The following RELN variants were observed in gnomAD, a reference collection of about 807,000 sequenced individuals.
RELN encodes reelin.
RELN carries 108 observed loss-of-function variants against 427.6 expected under a neutral mutation model. The ratio of observed to expected loss-of-function variants is 0.25; its 90% CI spans 0.22 to 0.30. The LOEUF is 0.30. RELN is among the 10% of genes least tolerant of loss of function. The pLI, the probability that RELN is intolerant of heterozygous loss-of-function variation, is 1.00. For synonymous variants in RELN, 1,524 were observed against 1,513.4 expected (o/e 1.01, Z -0.16); for missense variants, 3,715 against 4,302.8 (o/e 0.86, Z 3.82).
intron 4 of RELN, among the ~76,000 whole-genome samples, chr7:103,766,405 C>T (rs1356632966): frequency 6.6e-6 from 1 of 152,028 alleles, no homozygotes; most frequent in Non-Finnish European, 1.5e-5. Flanking sequence ...GAGAGAGAAA[C>T]AAGTCTGAAT....
intron 4 of RELN, among the ~76,000 whole-genome samples, chr7:103,764,849 A>AT (rs1274627429): frequency 1.3e-5 from 2 of 151,446 alleles, no homozygotes; most frequent in African/African-American, 4.9e-5. Flanking sequence ...AAAAAAAAAA[A>AT]AAAAAAGTGC....
intron 11 of RELN, among the ~76,000 whole-genome samples, chr7:103,665,449 T>C (rs1315750692): frequency 6.6e-6 from 1 of 152,034 alleles, no homozygotes. Context: ...CACCTTTCAC[T>C]TCTTCACAAT....
intron 2 of RELN, among the ~76,000 whole-genome samples, chr7:103,855,856 C>G (rs1793932646): frequency 6.6e-6 from 1 of 152,160 alleles, no homozygotes; most frequent in African/African-American, 2.4e-5. Flanking sequence ...GGAGGCCACC[C>G]TACTCCAGTA....
intron 50 of RELN, chr7:103,514,127 G>A (rs1829498522): frequency 6.6e-6 from 1 of 151,984 alleles, no homozygotes; most frequent in Admixed American, 6.5e-5. Flanking sequence ...GGCTGAGCTG[G>A]GTGTGACAGA....
intron 2 of RELN, among the ~76,000 whole-genome samples, chr7:103,859,437 G>A (rs2116487434): frequency 6.6e-6 from 1 of 152,168 alleles, no homozygotes; most frequent in East Asian, 1.9e-4. Flanking sequence ...GGGACTACAG[G>A]CACCCACCAC....
intron 1 of RELN, among the ~76,000 whole-genome samples, chr7:103,933,018 C>G (rs1002389154): frequency 3.9e-5 from 6 of 152,122 alleles, no homozygotes; most frequent in African/African-American, 1.4e-4. Flanking sequence ...GCAACAACTG[C>G]CCCTCTAGGG....
chr7:103,508,756 C>T (rs1346481883), intron 51 of RELN, among the ~76,000 whole-genome samples: 1 of 152,176 alleles, frequency 6.6e-6, no homozygotes, highest in East Asian at 1.9e-4. Context: ...TAGAAAACCC[C>T]ATCGTCTCAG....
At chr7:103,898,725 G>A (rs1369800256) in intron 2 of RELN, among the ~76,000 whole-genome samples, 2 of 151,952 alleles carry the variant, frequency 1.3e-5, no homozygotes, top group Non-Finnish European at 2.9e-5. Flanking sequence ...GTATTTCTTT[G>A]TAAATGCTCT....
chr7:103,901,273 T>C (rs2116620482), intron 2 of RELN, among the ~76,000 whole-genome samples: 1 of 152,170 alleles, frequency 6.6e-6, no homozygotes, highest in South Asian at 2.1e-4. Context: ...GGGAAGGATG[T>C]GGAGAAACTG....
chr7:103,543,456 G>A (rs1830218607), intron 42 of RELN, among the ~76,000 whole-genome samples: 1 of 152,040 alleles, frequency 6.6e-6, no homozygotes, highest in African/African-American at 2.4e-5. Flanking sequence ...GACCAGCCCG[G>A]CCAACATGAC....
intron 1 of RELN, among the ~76,000 whole-genome samples, chr7:103,977,268 G>A (rs1221339512): frequency 6.7e-5 from 9 of 135,030 alleles, no homozygotes; most frequent in Non-Finnish European, 1.2e-4. Flanking sequence ...CCGAGATCAC[G>A]CCACTGCACT....
intron 2 of RELN, among the ~76,000 whole-genome samples, chr7:103,894,338 A>T (rs963019561): frequency 6.6e-6 from 1 of 152,182 alleles, no homozygotes; most frequent in Non-Finnish European, 1.5e-5. Flanking sequence ...CATGCATCAT[A>T]AATAATTGAA....
chr7:103,476,973 G>T (rs1027489463), intron 64 of RELN, among the ~76,000 whole-genome samples: 9 of 152,134 alleles, frequency 5.9e-5, no homozygotes, highest in African/African-American at 1.9e-4. Context: ...TTCATCCCAA[G>T]GCACATCAGC....
intron 57 of RELN, among the ~76,000 whole-genome samples, chr7:103,495,175 CTTT>C (rs68172294): frequency 0.026 from 3,257 of 125,300 alleles, 87 homozygotes; most frequent in African/African-American, 0.09. Context: ...AAAGTAATTC[CTTT>C]TTTTTTTTTT....
chr7:103,538,846 C>T (rs188316544), intron 45 of RELN, among the ~76,000 whole-genome samples: 168 of 152,260 alleles, frequency 1.1e-3, no homozygotes, highest in African/African-American at 3.7e-3. Context: ...TAAGTCTTCA[C>T]GTACATATGC....
intron 1 of RELN, among the ~76,000 whole-genome samples, chr7:103,963,343 C>T (rs1796600753): frequency 6.6e-6 from 1 of 152,152 alleles, no homozygotes; most frequent in African/African-American, 2.4e-5. Context: ...GATCTTACGT[C>T]ACCCTCTGAG....
chr7:103,978,935 A>G (rs1796935164), intron 1 of RELN, among the ~76,000 whole-genome samples: 7 of 152,200 alleles, frequency 4.6e-5, no homozygotes. Flanking sequence ...TCAGAGCTAC[A>G]ACTTAGCACA....
chr7:103,509,100 T>C (rs59498470), intron 51 of RELN, among the ~76,000 whole-genome samples: 15,172 of 152,162 alleles, frequency 0.1, 1,124 homozygotes, highest in African/African-American at 0.2. Flanking sequence ...ATAGATTCAA[T>C]GCTATCCCCA....
intron 13 of RELN, 27 bp downstream of exon 13, chr7:103,654,066 A>C (rs1832976971): frequency 7.4e-7 from 1 of 1,349,610 alleles, no homozygotes; most frequent in Non-Finnish European, 1.1e-6. Context: ...GAGGTGGTCT[A>C]TTTGCCACAC....
Sources: allele counts gnomAD v4.1 joint callset (sites outside exome capture counted in the v4.1 genomes callset), GRCh38; gene constraint gnomAD v4.1.1; transcripts MANE v1.5; gene names NCBI Gene and HGNC (gene_info 2026-07-23, HGNC 2026-07-21).